The following LPP variants were observed in gnomAD, a reference collection of about 807,000 sequenced individuals.
LPP encodes the protein LIM domain containing preferred translocation partner in lipoma, also known as lipoma-preferred partner.
A neutral mutation model predicts 60.4 loss-of-function variants in LPP; 38 were observed. The observed-to-expected ratio is 0.63, with a 90% CI of 0.49 to 0.83. The LOEUF (loss-of-function observed/expected upper bound fraction) is 0.83. Ranked by LOEUF, LPP falls within the 40% of genes least tolerant of loss-of-function variation. LPP has a pLI of 0.00. For missense variants in LPP, 902 were observed against 783.6 expected, an observed-to-expected ratio of 1.15 and a Z score of -1.80; for synonymous variants, 328 against 290.8, an observed-to-expected ratio of 1.13 and a Z score of -1.30.
intron 7 of LPP, among the ~76,000 whole-genome samples, chr3:188,619,479 T>C (rs12630069): frequency 0.37 from 56,781 of 152,028 alleles, 11,337 homozygotes; most frequent in East Asian, 0.78. Flanking sequence ...CCAGAGAATA[T>C]GAAGCAGGAC....
chr3:188,156,827 A>G (rs1716590889), intron 1 of LPP, among the ~76,000 whole-genome samples: 1 of 150,016 alleles, frequency 6.7e-6, no homozygotes, highest in Non-Finnish European at 1.5e-5. Context: ...ACAGAGTGAG[A>G]CTCCATTTCC....
intron 1 of LPP, among the ~76,000 whole-genome samples, chr3:188,222,157 G>A (rs1380359020): frequency 3.9e-5 from 6 of 152,110 alleles, no homozygotes; most frequent in African/African-American, 9.7e-5. Flanking sequence ...TTTAAAAATA[G>A]CATTTCCAAA....
chr3:188,361,317 G>A (rs796202443), intron 3 of LPP, among the ~76,000 whole-genome samples: 7 of 152,186 alleles, frequency 4.6e-5, no homozygotes, highest in African/African-American at 7.2e-5. Flanking sequence ...TATAGGGGTC[G>A]TAGGGTGTTG....
At chr3:188,164,083 T>C (rs1018666900) in intron 1 of LPP, among the ~76,000 whole-genome samples, 4 of 152,132 alleles carry the variant, frequency 2.6e-5, no homozygotes, top group African/African-American at 9.7e-5. Flanking sequence ...AATGTATATC[T>C]ATAATATAAG....
At chr3:188,481,825 G>A (rs1373034404) in intron 4 of LPP, among the ~76,000 whole-genome samples, 1 of 152,164 alleles carries the variant, frequency 6.6e-6, no homozygotes, top group Non-Finnish European at 1.5e-5. Context: ...ACTGTCTGAT[G>A]CTCTGAAAAT....
At chr3:188,491,850 G>A (rs774996629) in intron 5 of LPP, among the ~76,000 whole-genome samples, 2 of 152,156 alleles carry the variant, frequency 1.3e-5, no homozygotes, top group Non-Finnish European at 2.9e-5. Flanking sequence ...GTCCAGGGGA[G>A]TATTCCAATA....
At chr3:188,174,534 G>A (rs1722525425) in intron 1 of LPP, among the ~76,000 whole-genome samples, 1 of 152,214 alleles carries the variant, frequency 6.6e-6, no homozygotes, top group South Asian at 2.1e-4. Flanking sequence ...CCTGGAGCCT[G>A]GAGAGATGGG....
intron 4 of LPP, among the ~76,000 whole-genome samples, chr3:188,436,399 T>C (rs1792309209): frequency 6.6e-6 from 1 of 152,228 alleles, no homozygotes; most frequent in South Asian, 2.1e-4. Context: ...GAATCAGATC[T>C]TTGATTCCCA....
intron 9 of LPP, among the ~76,000 whole-genome samples, chr3:188,847,221 C>T (rs1761655213): frequency 6.6e-6 from 1 of 152,160 alleles, no homozygotes; most frequent in Non-Finnish European, 1.5e-5. Context: ...GAGTGTGAGA[C>T]TCTTGGAGTA....
intron 3 of LPP, among the ~76,000 whole-genome samples, chr3:188,394,831 A>G (rs1171845129): frequency 1.3e-5 from 2 of 152,178 alleles, no homozygotes; most frequent in African/African-American, 4.8e-5. Flanking sequence ...CTCTGTTTCA[A>G]AATCTTGAAA....
At chr3:188,852,264 C>T (rs970289139) in intron 9 of LPP, among the ~76,000 whole-genome samples, 1 of 152,150 alleles carries the variant, frequency 6.6e-6, no homozygotes, top group African/African-American at 2.4e-5. Flanking sequence ...CTCTCAAAGG[C>T]TGCTTCTCCT....
At chr3:188,524,894 TCCGTCCTTCC>T in intron 6 of LPP, 107 bp downstream of exon 6, 3 of 69,688 alleles carry the variant, frequency 4.3e-5, no homozygotes, top group East Asian at 2.8e-3. Flanking sequence ...CTTCCTTCCG[TCCGTCCTTCC>T]TTCCTTCCTT....
At chr3:188,294,525 T>C (rs1297422407) in intron 2 of LPP, among the ~76,000 whole-genome samples, 1 of 152,188 alleles carries the variant, frequency 6.6e-6, no homozygotes, top group African/African-American at 2.4e-5. Context: ...GTAACACAAC[T>C]AGAGCCACCA....
intron 5 of LPP, among the ~76,000 whole-genome samples, chr3:188,509,191 C>T (rs1168951154): frequency 6.6e-6 from 1 of 152,140 alleles, no homozygotes. Context: ...CAAGTATAAT[C>T]CTGTAATCCT....
intron 1 of LPP, among the ~76,000 whole-genome samples, chr3:188,167,590 G>A (rs201765328): frequency 7.2e-5 from 10 of 139,118 alleles, no homozygotes; most frequent in Non-Finnish European, 1.6e-5. Flanking sequence ...TGTGTGTGTT[G>A]TTTTTTTTTT....
chr3:188,179,094 CAGAG>C (rs151265768), intron 1 of LPP: 377 of 263,138 alleles, frequency 1.4e-3, no homozygotes, highest in South Asian at 2.3e-3. Context: ...GGGAGAGAGA[CAGAG>C]AGAGAGAGAG....
intron 1 of LPP, among the ~76,000 whole-genome samples, chr3:188,209,259 A>T (rs1489749070): frequency 1.3e-5 from 2 of 152,200 alleles, no homozygotes; most frequent in African/African-American, 4.8e-5. Context: ...AATTGGGTAT[A>T]ATACTACCTC....
intron 1 of LPP, chr3:188,179,644 C>T (rs1014923341): frequency 2.7e-5 from 10 of 374,234 alleles, no homozygotes; most frequent in African/African-American, 8.5e-5. Context: ...GGAATCCAGC[C>T]GTGGAGTGAG....
chr3:188,767,919 A>C (rs1314994531), intron 9 of LPP, among the ~76,000 whole-genome samples: 1 of 152,196 alleles, frequency 6.6e-6, no homozygotes, highest in Admixed American at 6.5e-5. Context: ...TAAGTTGAAA[A>C]ATACTGCAAT....
Sources: allele counts gnomAD v4.1 joint callset (sites outside exome capture counted in the v4.1 genomes callset), GRCh38; gene constraint gnomAD v4.1.1; transcripts MANE v1.5; gene names NCBI Gene and HGNC (gene_info 2026-07-23, HGNC 2026-07-21).